The following CPNE9 variants were observed in gnomAD, a reference collection of about 807,000 sequenced individuals.
The protein encoded by CPNE9 is copine-9.
In CPNE9, 59 loss-of-function variants were observed where a neutral mutation model predicts 83.0. The observed-to-expected ratio is 0.71, with a 90% CI of 0.58 to 0.88. CPNE9 has a LOEUF of 0.88. CPNE9 is among the 40% of genes least tolerant of loss of function. CPNE9 has a pLI of 0.00. For synonymous variants in CPNE9, 256 were observed against 273.4 expected, an observed-to-expected ratio of 0.94 and a Z score of 0.63; for missense variants, 619 against 720.8, an observed-to-expected ratio of 0.86 and a Z score of 1.62.
chr3:9,726,856 C>T (rs2076789293), intron 19 of CPNE9, 134 bp downstream of exon 19: 1 of 838,660 alleles, frequency 1.2e-6, no homozygotes, highest in Non-Finnish European at 1.9e-6. Context: ...AAGTCACAGA[C>T]CTTCTCTGAA....
Position 9,715,502 on chromosome 3 carries a change from G to A in CPNE9, c.798G>A (p.Lys266=). 2 of 1,614,070 alleles carry A rather than the reference G, an allele frequency of 1.2e-6. No individual in the cohort carries two copies. The highest frequency in any genetic ancestry group is 2.2e-5 in the East Asian group (1 of 44,880). The part of the protein sequence containing the change: ...EVLNPRKKCK[K]KKYVNSGTVT... ...TTAACCCTCGGAAGAAATGTAAGAA[G>A]AAGAAATATGTCAACTCAGGAACTG... Residue 266 remains lysine, a synonymous_variant, in exon 13 of 21, where the codon AAG becomes AAA. Transcript: ENST00000383832.
chr3:9,723,459 G>A (rs1053574982), intron 17 of CPNE9, among the ~76,000 whole-genome samples: 3 of 151,518 alleles, frequency 2.0e-5, no homozygotes, highest in Non-Finnish European at 4.4e-5. Context: ...GCAACAGAGC[G>A]AGACTCTGTC....
intron 7 of CPNE9, among the ~76,000 whole-genome samples, chr3:9,707,849 G>T (rs2076579879): frequency 6.6e-6 from 1 of 150,466 alleles, no homozygotes; most frequent in Non-Finnish European, 1.5e-5. Context: ...TCAATCAAGA[G>T]TTCAATCTGA....
Position 9,729,650 on chromosome 3 carries a change from C to G in CPNE9, c.1620C>G (p.Pro540=), listed in dbSNP as rs993576240. 1 of 1,614,024 alleles carries G rather than the reference C, an allele frequency of 6.2e-7. No homozygotes were observed. Among genetic ancestry groups the G allele is most frequent in the Admixed American group, 1.7e-5 (1 of 60,024 alleles). The change falls in exon 21 of 21, where the codon CCC becomes CCG. Residue 540 remains proline (P), a synonymous_variant. Transcript: ENST00000383832. Reference sequence around the variant, plus strand: ...GAGACATCCAGCCTCGGCCCCCACCCCCTGCCAACCCCAGCCCGATCCCAG... The same window carrying G: ...GAGACATCCAGCCTCGGCCCCCACCGCCTGCCAACCCCAGCCCGATCCCAG... ...RTRDIQPRPP[P]PANPSPIPAP...
chr3:9,725,646 G>GTATCTATGTGTATATATGTA, intron 17 of CPNE9, among the ~76,000 whole-genome samples: 1 of 65,118 alleles, frequency 1.5e-5, no homozygotes, highest in Non-Finnish European at 2.9e-5. Context: ...ACATGTATGT[G>GTATCTATGTGTATATATGTA]TATATATGTG....
intron 17 of CPNE9, among the ~76,000 whole-genome samples, chr3:9,721,578 A>T (rs931942182): frequency 1.3e-5 from 2 of 152,174 alleles, no homozygotes; most frequent in Admixed American, 6.5e-5. Context: ...CCAGTACCAT[A>T]AAGGGGACTG....
Position 9,717,112 on chromosome 3 carries a change from A to T in CPNE9, c.931+8A>T. 1 of 1,614,138 alleles carries T rather than the reference A, an allele frequency of 6.2e-7. No individual in the cohort carries two copies. The highest frequency in any genetic ancestry group is 8.5e-7 in the Non-Finnish European group (1 of 1,179,996). On this transcript the variant is annotated splice_region_variant and intron_variant, in intron 15 of 20. Coordinates refer to ENST00000383832, the MANE Select transcript of CPNE9 (RefSeq NM_153635.3). ...ACTTCACGGCTTCCAATGGTGAGAC[A>T]CGGATGAGTGAAAAAGTCGGAGGTG...
At chr3:9,717,033 C>T (rs765367804) in intron 14 of CPNE9, 25 bp from the exon 15 acceptor site, 2 of 1,613,226 alleles carry the variant, frequency 1.2e-6, no homozygotes, top group Non-Finnish European at 1.7e-6. Flanking sequence ...TTCCTCACTT[C>T]TCAATTCATC....
chr3:9,724,306 G>A (rs1559645239), intron 17 of CPNE9, among the ~76,000 whole-genome samples: 1 of 151,932 alleles, frequency 6.6e-6, no homozygotes, highest in African/African-American at 2.4e-5. Flanking sequence ...AGGAAAAGGA[G>A]CTCTGGAAGC....
chr3:9,727,344 C>T (rs749889658), intron 20 of CPNE9, 158 bp downstream of exon 20: 2 of 882,980 alleles, frequency 2.3e-6, no homozygotes, highest in East Asian at 5.2e-5. Flanking sequence ...TTTTGACAAA[C>T]AGGAAGGTTG....
intron 17 of CPNE9, among the ~76,000 whole-genome samples, chr3:9,725,682 A>ATGTATATATGTGTGTATATATG (rs55757225): frequency 4.9e-5 from 6 of 123,024 alleles, no homozygotes; most frequent in Admixed American, 4.8e-4. Context: ...ATGTGTATAT[A>ATGTATATATGTGTGTATATATG]TATATACATA....
At chr3:9,727,221 A>G in intron 20 of CPNE9, 35 bp downstream of exon 20, 1 of 1,611,192 alleles carries the variant, frequency 6.2e-7, no homozygotes, top group Non-Finnish European at 8.5e-7. Flanking sequence ...TGGAGCTGAG[A>G]GGCACAGTGA....
chr3:9,706,121 C>T (rs536282059), intron 7 of CPNE9, 58 bp downstream of exon 7: 4 of 1,538,960 alleles, frequency 2.6e-6, no homozygotes, highest in Admixed American at 1.7e-5. Context: ...TTCTCCCTCC[C>T]AAGGATGCCG....
At chr3:9,710,528 T>G (rs2076616591) in intron 7 of CPNE9, among the ~76,000 whole-genome samples, 1 of 152,202 alleles carries the variant, frequency 6.6e-6, no homozygotes, top group East Asian at 1.9e-4. Context: ...CTACCAGAAC[T>G]GGAGAGTGAA....
chr3:9,717,360 T>C (rs1559641933), intron 15 of CPNE9, among the ~76,000 whole-genome samples: 1 of 151,874 alleles, frequency 6.6e-6, no homozygotes. Context: ...TAAGGAGAGA[T>C]GGAGAGGTGA....
Position 9,704,982 on chromosome 3 carries a change from T to A in CPNE9, c.248T>A (p.Leu83Gln). 6.2e-7 allele frequency: 1 copy of A among 1,610,374 alleles called. No individual in the cohort carries two copies. Among genetic ancestry groups the A allele is most frequent in the Non-Finnish European group, 8.5e-7 (1 of 1,178,484 alleles). Residue 83 changes from leucine to glutamine, a missense_variant, in exon 4 of 21, where the codon CTG (leucine) becomes CAG (glutamine). This residue lies in a region of CPNE9 where 130 missense variants were observed against 117.5 expected (regional missense o/e 1.11). Transcript: ENST00000383832. The surrounding 1 kb of genome is among the most constrained non-coding windows in gnomAD (Gnocchi z 7.1). ...TATTTCTTTGAGGAAAAGCAAAATC[T>A]GCGCTTCGATGTGTGAGGCCCCGCC... ...LDYFFEEKQN[L>Q]RFDVYNVDSK... is the part of the protein sequence containing the mutation.
chr3:9,727,120 A>G lies in CPNE9; in HGVS notation c.1410A>G (p.Glu470=), dbSNP rs1483811436. The G allele has an allele frequency of 6.2e-7, 1 of 1,614,100 alleles. No individual in the cohort carries two copies. The highest frequency in any genetic ancestry group is 1.1e-5 in the South Asian group (1 of 91,080). The change falls in exon 20 of 21, where the codon GAA becomes GAG. Residue 470 remains glutamate, a synonymous_variant. Transcript: ENST00000383832. The stretch of plus-strand genomic sequence containing the variant: ...GGTGTGTCTTTTCTGCAGCAATGGA[A>G]GAGTTGGACGGTGATGATGTGCGCG... The part of the protein sequence containing the change: ...GVGPAMFEAM[E]ELDGDDVRVS...
At chr3:9,706,743 G>C (rs955458988) in intron 7 of CPNE9, among the ~76,000 whole-genome samples, 1 of 152,186 alleles carries the variant, frequency 6.6e-6, no homozygotes, top group Non-Finnish European at 1.5e-5. Context: ...TCAACAGTGC[G>C]GTTGAGCAGG....
intron 11 of CPNE9, 111 bp downstream of exon 11, chr3:9,715,066 G>T: frequency 9.7e-7 from 1 of 1,029,250 alleles, no homozygotes; most frequent in South Asian, 1.4e-5. Flanking sequence ...CAGGAAAGGT[G>T]ATGATAAACA....
Sources: gnomAD v4.1 joint callset for allele counts (sites outside exome capture counted in the v4.1 genomes callset) on GRCh38, gnomAD v4.1.1 for gene constraint, gnomAD v4.1.1 regional missense constraint, Gnocchi (gnomAD v3.1) non-coding constraint, MANE v1.5 for transcripts, NCBI Gene and HGNC (gene_info 2026-07-23, HGNC 2026-07-21) for gene names.